Variants in PXDNL observed in about 807,000 individuals in gnomAD.
The protein encoded by PXDNL is peroxidasin like, also known as probable oxidoreductase PXDNL.
PXDNL carries 145 observed loss-of-function variants against 150.8 expected under a neutral mutation model. The observed-to-expected ratio is 0.96, with a 90% CI of 0.84 to 1.10. The LOEUF (loss-of-function observed/expected upper bound fraction) is 1.10, where lower values mean the gene tolerates loss of function less well. Ranked by LOEUF, PXDNL falls within the 50% of genes least tolerant of loss-of-function variation. The pLI is 0.00. For missense variants in PXDNL, 2,087 were observed against 1,873.9 expected, an observed-to-expected ratio of 1.11 and a Z score of -2.10; for synonymous variants, 757 against 725.7, an observed-to-expected ratio of 1.04 and a Z score of -0.69.
chr8:51,448,608 A>G (rs1809734226), intron 11 of PXDNL, among the ~76,000 whole-genome samples: 1 of 152,062 alleles, frequency 6.6e-6, no homozygotes, highest in Non-Finnish European at 1.5e-5. Flanking sequence ...GCTGAGGCAG[A>G]AGAATGGCGT....
intron 4 of PXDNL, among the ~76,000 whole-genome samples, chr8:51,534,871 C>A (rs1812028354): frequency 1.7e-5 from 2 of 115,708 alleles, no homozygotes; most frequent in African/African-American, 9.0e-5. Context: ...GCCTGGCCAG[C>A]CGCCCCGTCC....
chr8:51,557,012 T>C lies in PXDNL; in HGVS notation c.309-101A>G. ...CTATAAGCTGTGGACCTTAGGAGCT[T>C]TGTGGGATGTCCATAGATTCTCTAA... On this transcript the variant is annotated intron_variant, in intron 3 of 22. Transcript: ENST00000356297. The C allele has an allele frequency of 4.5e-6, 3 of 665,572 alleles. No individual in the cohort carries two copies. The South Asian group carries it at 5.5e-5, about 12-fold the overall frequency. 41.2% of individuals were successfully genotyped at this position (665,572 alleles called of 1,614,324 possible).
intron 2 of PXDNL, among the ~76,000 whole-genome samples, chr8:51,625,334 G>A (rs1004668396): frequency 1.6e-4 from 25 of 152,052 alleles, no homozygotes; most frequent in Non-Finnish European, 3.5e-4. Context: ...CTCAAATTAC[G>A]TAGCGCCCCT....
At chr8:51,632,913 A>G (rs1199894233) in intron 2 of PXDNL, among the ~76,000 whole-genome samples, 1 of 152,024 alleles carries the variant, frequency 6.6e-6, no homozygotes, top group Non-Finnish European at 1.5e-5. Flanking sequence ...CTGTTATTTT[A>G]GATTCAGGGG....
At chr8:51,679,467 A>T (rs1328365785) in intron 1 of PXDNL, among the ~76,000 whole-genome samples, 1 of 152,200 alleles carries the variant, frequency 6.6e-6, no homozygotes, top group Non-Finnish European at 1.5e-5. Flanking sequence ...ATCATTTGTA[A>T]ATAGGAGTAG....
chr8:51,787,770 C>T (rs942355376), intron 1 of PXDNL, among the ~76,000 whole-genome samples: 4 of 152,210 alleles, frequency 2.6e-5, no homozygotes, highest in Admixed American at 2.0e-4. Context: ...AGAATTTACT[C>T]CAATTTTAAT....
At chr8:51,496,453 T>C (rs1449010024) in intron 5 of PXDNL, among the ~76,000 whole-genome samples, 6 of 152,008 alleles carry the variant, frequency 3.9e-5, no homozygotes, top group African/African-American at 1.4e-4. Flanking sequence ...GAGAAGGAAA[T>C]AAAGGGTATT....
intron 5 of PXDNL, among the ~76,000 whole-genome samples, chr8:51,489,997 G>A (rs1304336419): frequency 6.6e-6 from 1 of 152,126 alleles, no homozygotes; most frequent in African/African-American, 2.4e-5. Context: ...CTAATGAAAA[G>A]CCAGTTCAAA....
chr8:51,400,065 G>A (rs917941934), intron 17 of PXDNL, among the ~76,000 whole-genome samples: 1 of 152,152 alleles, frequency 6.6e-6, no homozygotes, highest in African/African-American at 2.4e-5. Flanking sequence ...TAAAAGTGAA[G>A]AATTTACATA....
intron 1 of PXDNL, among the ~76,000 whole-genome samples, chr8:51,777,021 C>T (rs2037361125): frequency 6.6e-6 from 1 of 152,144 alleles, no homozygotes; most frequent in Non-Finnish European, 1.5e-5. Flanking sequence ...ATTCAAACTT[C>T]CAATATTTTC....
chr8:51,734,331 GA>G (rs1203526343), intron 1 of PXDNL, among the ~76,000 whole-genome samples: 2 of 152,130 alleles, frequency 1.3e-5, no homozygotes, highest in African/African-American at 4.8e-5. Context: ...GGACATATTA[GA>G]AAATACTCTT....
chr8:51,376,864 G>T (rs1314348071), intron 17 of PXDNL, among the ~76,000 whole-genome samples: 2 of 151,226 alleles, frequency 1.3e-5, no homozygotes, highest in Non-Finnish European at 1.5e-5. Flanking sequence ...GACTACAGGC[G>T]CCCGCCACAA....
chr8:51,672,584 A>C (rs1481275149), intron 1 of PXDNL, among the ~76,000 whole-genome samples: 1 of 152,186 alleles, frequency 6.6e-6, no homozygotes, highest in Non-Finnish European at 1.5e-5. Flanking sequence ...TGCCTATTAC[A>C]GTCATACTCT....
At chr8:51,521,212 A>G (rs1811656061) in intron 4 of PXDNL, among the ~76,000 whole-genome samples, 2 of 152,074 alleles carry the variant, frequency 1.3e-5, no homozygotes, top group Admixed American at 6.5e-5. Context: ...ACTGCACTGT[A>G]GTCTGAGTGA....
At chr8:51,801,837 C>T (rs2037624439) in intron 1 of PXDNL, among the ~76,000 whole-genome samples, 1 of 152,120 alleles carries the variant, frequency 6.6e-6, no homozygotes, top group Non-Finnish European at 1.5e-5. Context: ...GTCTATCTTT[C>T]ATTGGGATAT....
intron 2 of PXDNL, among the ~76,000 whole-genome samples, chr8:51,628,870 C>T (rs28788017): frequency 0.069 from 10,496 of 151,840 alleles, 587 homozygotes; most frequent in African/African-American, 0.16. Context: ...CAAACAGCTA[C>T]AGACCATAGC....
chr8:51,806,246 G>A (rs192491336), intron 1 of PXDNL, among the ~76,000 whole-genome samples: 109 of 152,172 alleles, frequency 7.2e-4, no homozygotes, highest in South Asian at 2.1e-3. Context: ...ATGTAAAAAT[G>A]GAAAAAATTA....
chr8:51,334,577 T>C (rs1563362307), intron 21 of PXDNL, among the ~76,000 whole-genome samples: 1 of 152,074 alleles, frequency 6.6e-6, no homozygotes, highest in Non-Finnish European at 1.5e-5. Flanking sequence ...ATTAGCAAGA[T>C]TAACCAAGAA....
At chr8:51,506,639 T>A (rs1288330969) in intron 4 of PXDNL, among the ~76,000 whole-genome samples, 1 of 151,930 alleles carries the variant, frequency 6.6e-6, no homozygotes. Flanking sequence ...GAAAAATCTT[T>A]CTCACTCTTT....
Sources: gnomAD v4.1 joint callset for allele counts (sites outside exome capture counted in the v4.1 genomes callset) on GRCh38, gnomAD v4.1.1 for gene constraint, MANE v1.5 for transcripts, NCBI Gene and HGNC (gene_info 2026-07-23, HGNC 2026-07-21) for gene names.